LMTK3: variants seen among roughly 807,000 people sequenced by gnomAD.
LMTK3 encodes the protein lemur tail kinase 3.
A neutral mutation model predicts 116.7 loss-of-function variants in LMTK3; 27 were observed. That is an observed-to-expected ratio of 0.23 (90% CI 0.17 to 0.32). The LOEUF is 0.32. LMTK3 is among the 10% of genes least tolerant of loss of function. The pLI, the probability that LMTK3 is intolerant of heterozygous loss-of-function variation, is 1.00. For synonymous variants in LMTK3, 965 were observed against 971.0 expected, an observed-to-expected ratio of 0.99 and a Z score of 0.11; for missense variants, 1,764 against 2,068.5, an observed-to-expected ratio of 0.85 and a Z score of 2.86.
chr19:48,508,510 C>A (rs1413212014), intron 5 of LMTK3, among the ~76,000 whole-genome samples: 2 of 152,070 alleles, frequency 1.3e-5, no homozygotes, highest in Admixed American at 6.6e-5. Context: ...AGCTGGTACC[C>A]AACATTGGAC....
chr19:48,497,707 G>A lies in LMTK3; in HGVS notation c.3362C>T (p.Thr1121Met), dbSNP rs772036847. The A allele has an allele frequency of 4.5e-6, 6 of 1,321,926 alleles. No individual in the cohort carries two copies. The African/African-American group carries it at 4.6e-5, about 10-fold the overall frequency. 81.9% of individuals were successfully genotyped at this position (1,321,926 alleles called of 1,614,324 possible). A position where few individuals can be genotyped will look rare whatever the true frequency, so the allele number is the denominator to read the frequency against. Reference protein sequence around the residue: ...SGGRAPVGTGTAPGGGPGSGV... With the variant: ...SGGRAPVGTGMAPGGGPGSGV... Reference sequence around the variant, plus strand: ...GCTTCCGGGGCCGCCGCCGGGGGCCGTCCCCGTGCCCACTGGGGCTCGGCC... The same window carrying A: ...GCTTCCGGGGCCGCCGCCGGGGGCCATCCCCGTGCCCACTGGGGCTCGGCC... The change falls in exon 11 of 15, where the codon ACG (threonine) becomes ATG (methionine). Residue 1121 changes from threonine to methionine, a missense_variant. Physicochemically the swap from Thr to Met is moderately conservative, Grantham distance 81 (BLOSUM62 -1). Around this residue, in one of 7 missense-constraint regions of LMTK3, gnomAD observed 1,028 missense variants for 1,050.6 expected, o/e 0.98. Coordinates refer to ENST00000600059, the MANE Select transcript of LMTK3 (RefSeq NM_001388485.1). The surrounding 1 kb of genome is among the most constrained non-coding windows in gnomAD (Gnocchi z 5.7).
chr19:48,512,884 C>T (rs952208016), upstream of LMTK3, among the ~76,000 whole-genome samples: 1 of 152,156 alleles, frequency 6.6e-6, no homozygotes, highest in African/African-American at 2.4e-5. Context: ...GTCACACATA[C>T]ATAAGCACAG....
chr19:48,501,719 A>C (rs1972471667), intron 7 of LMTK3, among the ~76,000 whole-genome samples, 157 bp from the exon 8 acceptor site: 4 of 137,056 alleles, frequency 2.9e-5, no homozygotes, highest in Admixed American at 7.5e-5. Context: ...GACTGCTTTC[A>C]CTCTCCCCTG....
At chr19:48,508,161 G>A (rs766725589) in intron 5 of LMTK3, among the ~76,000 whole-genome samples, 2 of 152,128 alleles carry the variant, frequency 1.3e-5, no homozygotes, top group African/African-American at 2.4e-5. Context: ...GTCAGACTGC[G>A]CAGGGCCTGT....
At position 48,499,137 on chromosome 19, in the gene LMTK3, C is replaced by T; in HGVS notation, c.1932G>A (p.Glu644=). 6.5e-7 allele frequency: 1 copy of T among 1,549,438 alleles called. No individual in the cohort carries two copies. Among genetic ancestry groups the T allele is most frequent in the Non-Finnish European group, 8.7e-7 (1 of 1,152,274 alleles). The change falls in exon 11 of 15, where the codon GAG becomes GAA. Residue 644 remains glutamate, a synonymous_variant. Transcript: ENST00000600059. ...TAPWVEEEEE[E]EEGSSPGEDS... is the part of the protein sequence containing the mutation. The stretch of plus-strand genomic sequence containing the variant: ...CTTCCCCTGGGGAGCTGCCCTCCTC[C>T]TCCTCCTCTTCTTCTTCCACCCACG...
Position 48,498,507 on chromosome 19 carries a change from C to T in LMTK3, c.2562G>A (p.Val854=). 6.3e-7 allele frequency: 1 copy of T among 1,590,268 alleles called. No individual in the cohort carries two copies. Among genetic ancestry groups the T allele is most frequent in the Non-Finnish European group, 8.6e-7 (1 of 1,168,124 alleles). The change falls in exon 11 of 15, where the codon GTG becomes GTA. Residue 854 remains valine, a synonymous_variant. Transcript: ENST00000600059. ...GCAGCTGTTCCGTGCTCACTTGAAC[C>T]ACGAAGGTCGGCTTCTCCCGGGGCC... ...LPGPREKPTF[V]VQVSTEQLLM...
chr19:48,512,865 A>G (rs1411521756), upstream of LMTK3, among the ~76,000 whole-genome samples: 2 of 152,214 alleles, frequency 1.3e-5, no homozygotes, highest in African/African-American at 4.8e-5. Flanking sequence ...TAACATGCAC[A>G]TATACACAGT....
intron 5 of LMTK3, among the ~76,000 whole-genome samples, chr19:48,506,595 C>T (rs376915690): frequency 1.1e-4 from 17 of 152,188 alleles, no homozygotes; most frequent in African/African-American, 3.4e-4. Flanking sequence ...GTAACCGCGG[C>T]TCTGCTGTTT....
At position 48,510,539 on chromosome 19, in the gene LMTK3, T is replaced by C. The variant is rs1199155693; in HGVS notation, c.130A>G (p.Ile44Val). 6.2e-7 allele frequency: 1 copy of C among 1,601,202 alleles called. No individual in the cohort carries two copies. The highest frequency in any genetic ancestry group is 1.3e-5 in the African/African-American group (1 of 74,620). The change falls in exon 2 of 15, where the codon ATT becomes GTT. Residue 44 changes from isoleucine to valine, a missense_variant. This residue lies in a region of LMTK3 where 271 missense variants were observed against 478.2 expected (regional missense o/e 0.57). Transcript: ENST00000600059. Reference protein sequence around the residue: ...PLAPPYAVVLISCSGLLAFIF... With the variant: ...PLAPPYAVVLVSCSGLLAFIF... ...AAGGCCAGCAGGCCGGAGCAGGAAATGAGGACCACAGCGTAGGGAGGAGCC... is the reference window on the plus strand; with the variant it reads ...AAGGCCAGCAGGCCGGAGCAGGAAACGAGGACCACAGCGTAGGGAGGAGCC...
At position 48,509,031 on chromosome 19, in the gene LMTK3, A is replaced by G; in HGVS notation, c.439-62T>C. 3.5e-6 allele frequency: 4 copies of G among 1,129,666 alleles called. No homozygotes were observed. In the South Asian group the frequency reaches 5.6e-5, roughly 16 times the overall value. 70.0% of individuals were successfully genotyped at this position (1,129,666 alleles called of 1,614,324 possible). On this transcript the variant is annotated intron_variant, in intron 4 of 14. Coordinates refer to ENST00000600059, the MANE Select transcript of LMTK3 (RefSeq NM_001388485.1). Reference sequence around the variant, plus strand: ...TTCCCCAGCCCCGTCCCCTGGGACCAGCTCCACTCCACCACACAGCTCCCA... The same window carrying G: ...TTCCCCAGCCCCGTCCCCTGGGACCGGCTCCACTCCACCACACAGCTCCCA...
upstream of LMTK3, chr19:48,513,221 G>T (rs746839841): frequency 1.3e-6 from 2 of 1,497,122 alleles, no homozygotes; most frequent in South Asian, 1.2e-5. This position sits in a 1 kb window ranked among gnomAD's most constrained non-coding sequence, Gnocchi z 5.6. Context: ...TTTATTTAAT[G>T]TATTTATTCT....
chr19:48,486,127 T>C (rs1279883911), intron 14 of LMTK3, among the ~76,000 whole-genome samples: 2 of 125,628 alleles, frequency 1.6e-5, no homozygotes. Flanking sequence ...TGGCGCGATC[T>C]CGGCTCACTG....
At chr19:48,507,654 A>G (rs867388899) in intron 5 of LMTK3, among the ~76,000 whole-genome samples, 8 of 152,242 alleles carry the variant, frequency 5.3e-5, no homozygotes, top group Middle Eastern at 3.4e-3. Flanking sequence ...TCTGTTGCCC[A>G]GGTGGGAGTG....
In LMTK3 at chr19:48,493,921, C is replaced by T. The variant is rs1972276787; in HGVS notation, c.3865G>A (p.Glu1289Lys). 1 of 1,030,580 alleles carries T rather than the reference C, an allele frequency of 9.7e-7. No individual in the cohort carries two copies. The highest frequency in any genetic ancestry group is 1.2e-6 in the Non-Finnish European group (1 of 863,238). The allele number at this position is 1,030,580 out of a possible 1,614,324, so 63.8% of individuals were successfully genotyped here. Reference sequence around the variant, plus strand: ...GCCGCGCCCGGCGCCGCCGCCTCCTCGTCCTCCTCCTCGTCCTCGTCCTCG... The same window carrying T: ...GCCGCGCCCGGCGCCGCCGCCTCCTTGTCCTCCTCCTCGTCCTCGTCCTCG... Reference protein sequence around the residue: ...EDEDEDEEEDEEAAAPGAAAG... With the variant: ...EDEDEDEEEDKEAAAPGAAAG... The change falls in exon 12 of 15, where the codon GAG becomes AAG. Residue 1289 changes from glutamate to lysine, a missense_variant. Around this residue, in one of 7 missense-constraint regions of LMTK3, gnomAD observed 281 missense variants for 301.4 expected, o/e 0.93. Coordinates refer to ENST00000600059, the MANE Select transcript of LMTK3 (RefSeq NM_001388485.1).
chr19:48,494,892 C>T lies in LMTK3; in HGVS notation c.3677-783G>A, dbSNP rs1228307935. The stretch of plus-strand genomic sequence containing the variant: ...TGCCCTCTCTAGAACACTCTCCCAC[C>T]GATGTCCACCTGCCTCACTCCCTCC... On this transcript the variant is annotated intron_variant, in intron 11 of 14. Coordinates refer to ENST00000600059, the MANE Select transcript of LMTK3 (RefSeq NM_001388485.1). This position sits in a 1 kb window ranked among gnomAD's most constrained non-coding sequence, Gnocchi z 4.0. 6.6e-6 allele frequency among the ~76,000 whole-genome samples: 1 copy of T among 152,158 alleles called. No homozygotes were observed. Among genetic ancestry groups the T allele is most frequent in the Admixed American group, 6.5e-5 (1 of 15,276 alleles).
At chr19:48,513,038 C>A (rs1043918615), upstream of LMTK3, 1 of 945,996 alleles carries the variant, frequency 1.1e-6, no homozygotes, top group Non-Finnish European at 1.7e-6. This position sits in a 1 kb window ranked among gnomAD's most constrained non-coding sequence, Gnocchi z 5.6. Context: ...TCACACATCA[C>A]ATACATAAAC....
intron 12 of LMTK3, among the ~76,000 whole-genome samples, chr19:48,492,045 T>C (rs1972236514): frequency 6.8e-6 from 1 of 146,134 alleles, no homozygotes; most frequent in South Asian, 2.4e-4. Context: ...TCTGAAAACA[T>C]TTCAGTGGCC....
rs149079403 is a variant in LMTK3 at position 48,489,997 on chromosome 19, C to T, written c.4366+1111G>A. Among the ~76,000 whole-genome samples, 329 of 149,862 alleles carry T rather than the reference C, an allele frequency of 2.2e-3. 2 individuals are homozygous for T. The highest frequency in any genetic ancestry group is 8.0e-3 in the African/African-American group (317 of 39,588). On this transcript the variant is annotated intron_variant, in intron 14 of 14. Transcript: ENST00000600059. ...CCTGCGCTGGGACCTGCCCGTGTGC[C>T]CTGCTCTCCCAGAGTGGCCTTAGCA... is the stretch of plus-strand genomic sequence containing the variant.
At chr19:48,489,768 C>G (rs1807977674) in intron 14 of LMTK3, among the ~76,000 whole-genome samples, 1 of 152,182 alleles carries the variant, frequency 6.6e-6, no homozygotes, top group Non-Finnish European at 1.5e-5. Flanking sequence ...CCCCAGGTCA[C>G]ACAGCTAAGA....
Sources: allele counts gnomAD v4.1 joint callset (sites outside exome capture counted in the v4.1 genomes callset), GRCh38; gene constraint gnomAD v4.1.1; regional missense constraint gnomAD v4.1.1; non-coding constraint Gnocchi (gnomAD v3.1); transcripts MANE v1.5; gene names NCBI Gene and HGNC (gene_info 2026-07-23, HGNC 2026-07-21).